Variants in TUBB8B observed in about 807,000 individuals in gnomAD.
TUBB8B encodes HSA18p11 beta-tubulin 4Q pseudogene.
A neutral mutation model predicts 31.9 loss-of-function variants in TUBB8B; 26 were observed. The ratio of observed to expected loss-of-function variants is 0.81; its 90% CI spans 0.60 to 1.13. The LOEUF (loss-of-function observed/expected upper bound fraction) is 1.13, where lower values mean the gene tolerates loss of function less well. Among genes scored for constraint, TUBB8B ranks in the 50% most tolerant of loss-of-function variants. TUBB8B has a pLI of 0.00. For missense variants in TUBB8B, 467 were observed against 586.7 expected, an observed-to-expected ratio of 0.80 and a Z score of 2.11; for synonymous variants, 173 against 231.0, an observed-to-expected ratio of 0.75 and a Z score of 2.28.
the TUBB8B span, among the ~76,000 whole-genome samples, chr18:63,719 C>A: frequency 2.2e-5 from 3 of 134,928 alleles, no homozygotes; most frequent in Non-Finnish European, 3.2e-5. Flanking sequence ...CTAACACTAA[C>A]CCTAACCCCT....
chr18:57,770 C>T, the TUBB8B span, among the ~76,000 whole-genome samples: 2 of 151,956 alleles, frequency 1.3e-5, no homozygotes, highest in African/African-American at 4.8e-5. Flanking sequence ...GAGGGCTCCA[C>T]CCCTGCAGCA....
chr18:65,127 C>T, the TUBB8B span, among the ~76,000 whole-genome samples: 32 of 151,998 alleles, frequency 2.1e-4, no homozygotes, highest in African/African-American at 7.7e-4. Context: ...ATGGTGAAAC[C>T]CTGTCTCTAC....
the TUBB8B span, among the ~76,000 whole-genome samples, chr18:61,105 G>C: frequency 1.3e-5 from 2 of 151,414 alleles, no homozygotes; most frequent in South Asian, 2.1e-4. Flanking sequence ...AGCTCTTATA[G>C]TATTTGCTTC....
chr18:68,181 A>C, the TUBB8B span, among the ~76,000 whole-genome samples: 1 of 152,144 alleles, frequency 6.6e-6, no homozygotes, highest in African/African-American at 2.4e-5. Context: ...AATTTATTTT[A>C]CAGTAATTTC....
rs1200881655 is a variant in TUBB8B at position 49,257 on chromosome 18, C to A, written c.58-20G>T. The A allele has an allele frequency of 2.6e-6, 4 of 1,527,456 alleles. No homozygotes were observed. The highest frequency in any genetic ancestry group is 2.5e-5 in the East Asian group (1 of 40,558). The allele number at this position is 1,527,456 out of a possible 1,614,324, so 94.6% of individuals were successfully genotyped here. A position where few individuals can be genotyped will look rare whatever the true frequency, so the allele number is the denominator to read the frequency against. The stretch of plus-strand genomic sequence containing the variant: ...CCAGAACTGCAAGAGACGGGAGGGG[C>A]CAGACAGGCCGGGGCTGAGTCACGG... On this transcript the variant is annotated intron_variant, in intron 1 of 3. Coordinates refer to ENST00000308911, the MANE Select transcript of TUBB8B (RefSeq NM_001358689.2).
rs564085116 is a variant in TUBB8B at position 47,863 on chromosome 18, C to T, written c.862G>A (p.Glu288Lys). Residue 288 changes from glutamate (E) to lysine (K), a missense_variant, in exon 4 of 4, where the codon GAG becomes AAG. Around this residue, in one of 2 missense-constraint regions of TUBB8B, gnomAD observed 259 missense variants for 380.1 expected, o/e 0.68. Coordinates refer to ENST00000308911, the MANE Select transcript of TUBB8B (RefSeq NM_001358689.2). ...GCATCAAACATCTGCTGGGTGAGCT[C>T]AGCCACAGTCAAGGCCCGGTACTGC... ...SQQYRALTVA[E>K]LTQQMFDAKN... 5 of 1,611,266 alleles carry T rather than the reference C, an allele frequency of 3.1e-6. No individual in the cohort carries two copies. The East Asian group carries it at 8.9e-5, about 29-fold the overall frequency.
the TUBB8B span, among the ~76,000 whole-genome samples, chr18:64,021 C>T: frequency 6.6e-6 from 1 of 150,692 alleles, no homozygotes; most frequent in Non-Finnish European, 1.5e-5. Flanking sequence ...GACCCCAACC[C>T]TAACCCTTAA....
chr18:68,650 C>T, the TUBB8B span, among the ~76,000 whole-genome samples: 5 of 152,164 alleles, frequency 3.3e-5, no homozygotes, highest in African/African-American at 1.2e-4. Flanking sequence ...GTGATCTCAA[C>T]TGTAAAATGG....
At chr18:50,932 T>C (rs1600579787), upstream of TUBB8B, among the ~76,000 whole-genome samples, 1 of 151,974 alleles carries the variant, frequency 6.6e-6, no homozygotes, top group Non-Finnish European at 1.5e-5. Context: ...CTGAATGATG[T>C]ATGGAAAAGC....
the TUBB8B span, among the ~76,000 whole-genome samples, chr18:63,688 C>CCCTAA: frequency 1.5e-5 from 2 of 136,470 alleles, no homozygotes; most frequent in Non-Finnish European, 3.1e-5. Flanking sequence ...CTAACCCTAA[C>CCCTAA]CCCTAACCCT....
the TUBB8B span, among the ~76,000 whole-genome samples, chr18:72,736 G>A: frequency 6.6e-6 from 1 of 152,116 alleles, no homozygotes; most frequent in Non-Finnish European, 1.5e-5. Context: ...AGGCCGAGGT[G>A]GGTGGATCAC....
the TUBB8B span, among the ~76,000 whole-genome samples, chr18:71,170 G>A: frequency 6.6e-6 from 1 of 151,696 alleles, no homozygotes; most frequent in Non-Finnish European, 1.5e-5. Context: ...GGTTGAGGCT[G>A]CAGTGAGCCA....
At chr18:68,052 C>T in the TUBB8B span, among the ~76,000 whole-genome samples, 3 of 152,206 alleles carry the variant, frequency 2.0e-5, no homozygotes, top group African/African-American at 4.8e-5. Flanking sequence ...CATCCAGACT[C>T]TTACCGGGGT....
At chr18:66,735 CTA>C in the TUBB8B span, among the ~76,000 whole-genome samples, 3 of 151,938 alleles carry the variant, frequency 2.0e-5, no homozygotes, top group Non-Finnish European at 4.4e-5. Flanking sequence ...TGTTTTGACA[CTA>C]TTTTGGCTAT....
In TUBB8B at chr18:47,711, G is replaced by A. The variant is rs376376255; in HGVS notation, c.1014C>T (p.Ser338=). The A allele has an allele frequency of 1.2e-6, 2 of 1,611,614 alleles. No homozygotes were observed. Among genetic ancestry groups the A allele is most frequent in the East Asian group, 4.5e-5 (2 of 44,834 alleles). ...EQMFNIQDKN[S]SYFADWFPDN... Reference sequence around the variant, plus strand: ...CGGGGAACCAGTCAGCAAAGTAGCTGCTGTTCTTATCTTGAATGTTGAACA... The same window carrying A: ...CGGGGAACCAGTCAGCAAAGTAGCTACTGTTCTTATCTTGAATGTTGAACA... Residue 338 remains serine, a synonymous_variant, in exon 4 of 4, where the codon AGC becomes AGT. Transcript: ENST00000308911.
rs775993239 is a variant in TUBB8B, at chr18:48,465, C to G, written c.278-18G>C. On this transcript the variant is annotated intron_variant, in intron 3 of 3. Coordinates refer to ENST00000308911, the MANE Select transcript of TUBB8B (RefSeq NM_001358689.2). Reference sequence around the variant, plus strand: ...ACACTGACCTGTAAGACAGCACAGCCGGTCACTCGACGGCCAGGTATACGG... The same window carrying G: ...ACACTGACCTGTAAGACAGCACAGCGGGTCACTCGACGGCCAGGTATACGG... 2 of 1,308,478 alleles carry G rather than the reference C, an allele frequency of 1.5e-6. No individual in the cohort carries two copies. Among genetic ancestry groups the G allele is most frequent in the Non-Finnish European group, 2.2e-6 (2 of 908,400 alleles). 81.1% of individuals were successfully genotyped at this position (1,308,478 alleles called of 1,614,324 possible). A position where few individuals can be genotyped will look rare whatever the true frequency, so the allele number is the denominator to read the frequency against.
chr18:55,448 C>T, the TUBB8B span, among the ~76,000 whole-genome samples: 3 of 151,830 alleles, frequency 2.0e-5, no homozygotes, highest in African/African-American at 7.3e-5. Context: ...CACAGTTCCA[C>T]ATGGCTGGGG....
the TUBB8B span, among the ~76,000 whole-genome samples, chr18:63,678 C>A: frequency 2.0e-5 from 3 of 147,664 alleles, no homozygotes; most frequent in Admixed American, 1.3e-4. Flanking sequence ...AGCCCTAACC[C>A]TAACCCTAAC....
At chr18:63,472 A>G in the TUBB8B span, among the ~76,000 whole-genome samples, 1 of 151,150 alleles carries the variant, frequency 6.6e-6, no homozygotes, top group Admixed American at 6.6e-5. Context: ...AGCCATGTGG[A>G]GCTGGAGTTG....
Sources: allele counts gnomAD v4.1 joint callset (sites outside exome capture counted in the v4.1 genomes callset), GRCh38; gene constraint gnomAD v4.1.1; regional missense constraint gnomAD v4.1.1; transcripts MANE v1.5; gene names NCBI Gene and HGNC (gene_info 2026-07-23, HGNC 2026-07-21).